The following GABRG2 variants were observed in gnomAD, a reference collection of about 807,000 sequenced individuals.
The protein encoded by GABRG2 is gamma-aminobutyric acid receptor subunit gamma-2.
Under a neutral mutation model 56.4 loss-of-function variants are expected in GABRG2, and 16 were observed. That is an observed-to-expected ratio of 0.28 (90% CI 0.19 to 0.43). GABRG2 has a LOEUF of 0.43. GABRG2 is among the 20% of genes least tolerant of loss of function. GABRG2 has a pLI of 1.00. For missense variants in GABRG2, 327 were observed against 582.7 expected, an observed-to-expected ratio of 0.56 and a Z score of 4.52; for synonymous variants, 208 against 205.5, an observed-to-expected ratio of 1.01 and a Z score of -0.10.
intron 1 of GABRG2, among the ~76,000 whole-genome samples, chr5:162,089,061 T>G (rs1002856960): frequency 6.6e-6 from 1 of 152,024 alleles, no homozygotes; most frequent in Non-Finnish European, 1.5e-5. Context: ...GTAGAACATG[T>G]GATGGGTGAG....
chr5:162,075,802 A>G (rs975152182), intron 1 of GABRG2, among the ~76,000 whole-genome samples: 1 of 152,116 alleles, frequency 6.6e-6, no homozygotes, highest in African/African-American at 2.4e-5. Context: ...ACAGCATAGT[A>G]TACTTGTTAA....
intron 1 of GABRG2, among the ~76,000 whole-genome samples, chr5:162,081,918 A>G (rs1188462066): frequency 1.3e-5 from 2 of 151,972 alleles, no homozygotes; most frequent in African/African-American, 2.4e-5. Flanking sequence ...AAATATTTAC[A>G]TGGGATAATT....
intron 7 of GABRG2, among the ~76,000 whole-genome samples, chr5:162,147,624 A>G (rs1235435379): frequency 6.6e-6 from 1 of 152,148 alleles, no homozygotes; most frequent in Non-Finnish European, 1.5e-5. Flanking sequence ...TCGGCCTCCC[A>G]GAGTACTGGG....
At chr5:162,118,344 G>C (rs755374129) in intron 6 of GABRG2, among the ~76,000 whole-genome samples, 9 of 151,870 alleles carry the variant, frequency 5.9e-5, no homozygotes, top group Non-Finnish European at 1.2e-4. Flanking sequence ...CAAGAGTTTT[G>C]ATAATTAACT....
intron 6 of GABRG2, among the ~76,000 whole-genome samples, chr5:162,111,853 A>G (rs1762274121): frequency 6.6e-6 from 1 of 152,172 alleles, no homozygotes. Context: ...GACATGCAAC[A>G]ATGAAGTATT....
At chr5:162,149,788 AT>A in intron 8 of GABRG2, 12 of 376,092 alleles carry the variant, frequency 3.2e-5, no homozygotes, top group South Asian at 2.4e-4. Flanking sequence ...TAATTTTTGT[AT>A]TTTTAGTACA....
chr5:162,115,309 G>C (rs1762540718), intron 6 of GABRG2, among the ~76,000 whole-genome samples: 1 of 152,056 alleles, frequency 6.6e-6, no homozygotes, highest in South Asian at 2.1e-4. Flanking sequence ...ATATTTCCTG[G>C]TATTTAACAT....
At chr5:162,091,913 G>A (rs375981793) in intron 1 of GABRG2, among the ~76,000 whole-genome samples, 4 of 152,062 alleles carry the variant, frequency 2.6e-5, no homozygotes, top group African/African-American at 7.2e-5. Flanking sequence ...GAGAGAGAAA[G>A]AGAAAGAGAG....
At chr5:162,097,912 C>T in intron 4 of GABRG2, 54 bp downstream of exon 4, 1 of 1,383,364 alleles carries the variant, frequency 7.2e-7, no homozygotes, top group South Asian at 1.2e-5. Flanking sequence ...CAAACAAACA[C>T]AAAAATCAAC....
chr5:162,120,625 G>A (rs1762920219), intron 6 of GABRG2, among the ~76,000 whole-genome samples: 1 of 152,084 alleles, frequency 6.6e-6, no homozygotes, highest in Admixed American at 6.6e-5. Flanking sequence ...ACCTCTGCAA[G>A]CTGCATGAAC....
rs535370579 is a variant in GABRG2, at chr5:162,109,389, AATATATATATATATATAT to A, written c.769+5380_769+5397del. Among the ~76,000 whole-genome samples the A allele has an allele frequency of 8.3e-4, 97 of 116,236 alleles. 1 individual carries two copies. Among genetic ancestry groups the A allele is most frequent in the Non-Finnish European group, 1.2e-3 (72 of 59,900 alleles). 76.3% of individuals were successfully genotyped at this position (116,236 alleles called of 152,430 possible). ...ACATGTACCCTAGAACTTAAAGTAT[AATATATATATATATATAT>A]ATATATATATATATATTTATTTATA... On this transcript the variant is annotated intron_variant, in intron 6 of 9. Transcript: ENST00000639213.
intron 1 of GABRG2, 104 bp downstream of exon 1, chr5:162,068,210 G>A: frequency 1.3e-6 from 1 of 774,354 alleles, no homozygotes. Flanking sequence ...ACTCTCCTAG[G>A]ATGTGCGGCT....
intron 6 of GABRG2, among the ~76,000 whole-genome samples, chr5:162,113,650 T>G (rs576342431): frequency 7.9e-5 from 12 of 152,354 alleles, no homozygotes; most frequent in African/African-American, 2.9e-4. Flanking sequence ...GTAATCTGCC[T>G]ATACTCACAT....
At chr5:162,095,596 A>G (rs944467328) in intron 3 of GABRG2, 34 bp downstream of exon 3, 3 of 1,447,368 alleles carry the variant, frequency 2.1e-6, no homozygotes, top group Non-Finnish European at 1.9e-6. Flanking sequence ...TGTCTGTTTT[A>G]TTAGCATGTT....
intron 1 of GABRG2, among the ~76,000 whole-genome samples, chr5:162,072,722 C>G (rs1758774293): frequency 6.6e-6 from 1 of 151,900 alleles, no homozygotes; most frequent in Non-Finnish European, 1.5e-5. Context: ...TACACAGACA[C>G]AATCCTGTGA....
chr5:162,093,813 T>C lies in GABRG2; in HGVS notation c.108-15T>C, dbSNP rs1251942618. 1 of 1,611,902 alleles carries C rather than the reference T, an allele frequency of 6.2e-7. No homozygotes were observed. Among genetic ancestry groups the C allele is most frequent in the Non-Finnish European group, 8.5e-7 (1 of 1,178,518 alleles). ...TGTAATCTATGTGTTTTTTGACCAA[T>C]ATGTTTTTTCTTAGCTTCACTAGCC... is the stretch of plus-strand genomic sequence containing the variant. On this transcript the variant is annotated splice_polypyrimidine_tract_variant and intron_variant, in intron 1 of 9. Coordinates refer to ENST00000639213, the MANE Select transcript of GABRG2 (RefSeq NM_198904.4).
intron 1 of GABRG2, among the ~76,000 whole-genome samples, chr5:162,068,387 T>C (rs1758393783): frequency 6.6e-6 from 1 of 152,112 alleles, no homozygotes; most frequent in South Asian, 2.1e-4. Context: ...AGTAGCATTT[T>C]GACATTATTG....
Position 162,153,409 on chromosome 5 carries a change from T to C in GABRG2, c.*41T>C, listed in dbSNP as rs373649929. The stretch of plus-strand genomic sequence containing the variant: ...ACTGATATGGTTCTTATTCACTGAG[T>C]CTCATGGAGAGATGTCTGTTCTAAG... On this transcript the variant is annotated 3_prime_UTR_variant, in exon 10 of 10. Transcript: ENST00000639213. 5.6e-6 allele frequency: 9 copies of C among 1,601,168 alleles called. No individual in the cohort carries two copies. Among genetic ancestry groups the C allele is most frequent in the Non-Finnish European group, 7.7e-6 (9 of 1,168,532 alleles).
At chr5:162,123,147 A>G (rs1367084157) in intron 6 of GABRG2, among the ~76,000 whole-genome samples, 3 of 151,776 alleles carry the variant, frequency 2.0e-5, no homozygotes, top group African/African-American at 7.2e-5. Flanking sequence ...AATATTCTAT[A>G]AAGAGTTAAC....
Sources: gnomAD v4.1 joint callset for allele counts (sites outside exome capture counted in the v4.1 genomes callset) on GRCh38, gnomAD v4.1.1 for gene constraint, MANE v1.5 for transcripts, NCBI Gene and HGNC (gene_info 2026-07-23, HGNC 2026-07-21) for gene names.